The following BLOC1S3 variants were observed in gnomAD, a reference collection of about 807,000 sequenced individuals.
BLOC1S3 encodes biogenesis of lysosome-related organelles complex 1 subunit 3.
BLOC1S3 carries 7 observed loss-of-function variants against 9.1 expected under a neutral mutation model. That is an observed-to-expected ratio of 0.77 (90% CI 0.44 to 1.45). The LOEUF is 1.45. Ranked by LOEUF, BLOC1S3 falls within the 40% of genes most tolerant of loss-of-function variation. The pLI, the probability that BLOC1S3 is intolerant of heterozygous loss-of-function variation, is 0.01. For synonymous variants in BLOC1S3, 145 were observed against 158.4 expected, an observed-to-expected ratio of 0.92 and a Z score of 0.64; for missense variants, 307 against 315.2, an observed-to-expected ratio of 0.97 and a Z score of 0.20.
At chr19:45,208,806 G>C (rs1969746702) in intron 3 of BLOC1S3, among the ~76,000 whole-genome samples, 1 of 149,720 alleles carries the variant, frequency 6.7e-6, no homozygotes, top group Non-Finnish European at 1.5e-5. Context: ...TAACCCAGAA[G>C]TCGAAGAAGA....
intron 3 of BLOC1S3, among the ~76,000 whole-genome samples, chr19:45,211,703 TC>T (rs1969772812): frequency 6.6e-6 from 1 of 151,106 alleles, no homozygotes; most frequent in Non-Finnish European, 1.5e-5. Flanking sequence ...CGAGAGTCCC[TC>T]GTCTCTACCT....
At chr19:45,186,163 G>A (rs778867536), downstream of BLOC1S3, among the ~76,000 whole-genome samples, 1 of 152,002 alleles carries the variant, frequency 6.6e-6, no homozygotes, top group Non-Finnish European at 1.5e-5. Context: ...TGCATGGGAG[G>A]GGGTGAGACT....
In BLOC1S3 at chr19:45,179,743, C is replaced by T; in HGVS notation, c.447C>T (p.Ala149=). The change falls in exon 2 of 2, where the codon GCC becomes GCT. Residue 149 remains alanine (A), a synonymous_variant. Coordinates refer to ENST00000433642, the MANE Select transcript of BLOC1S3 (RefSeq NM_212550.5). This position sits in a 1 kb window ranked among gnomAD's most constrained non-coding sequence, Gnocchi z 4.6. ...CCCTGGCTAGTAGGCTGGCGGCAGCCCAGGCGGCGGGGCTGGCGGCGGCCC... is the reference window on the plus strand; with the variant it reads ...CCCTGGCTAGTAGGCTGGCGGCAGCTCAGGCGGCGGGGCTGGCGGCGGCCC... ...VAALASRLAA[A]QAAGLAAAHS... 3 of 1,463,076 alleles carry T rather than the reference C, an allele frequency of 2.1e-6. No homozygotes were observed. Among genetic ancestry groups the T allele is most frequent in the South Asian group, 1.4e-5 (1 of 73,772 alleles). The allele number at this position is 1,463,076 out of a possible 1,614,324, so 90.6% of individuals were successfully genotyped here. A position where few individuals can be genotyped will look rare whatever the true frequency, so the allele number is the denominator to read the frequency against.
intron 2 of BLOC1S3, among the ~76,000 whole-genome samples, chr19:45,193,314 G>A (rs917228566): frequency 6.6e-6 from 1 of 151,924 alleles, no homozygotes; most frequent in Non-Finnish European, 1.5e-5. Context: ...GATGATTACT[G>A]GAGGCTTCTA....
chr19:45,194,116 TTTTTTTTTTTTAA>T (rs1969629967), intron 2 of BLOC1S3, among the ~76,000 whole-genome samples: 2 of 95,344 alleles, frequency 2.1e-5, no homozygotes, highest in Non-Finnish European at 4.3e-5. Context: ...TTTTTTTTTT[TTTTTTTTTTTTAA>T]TGAGATGGAG....
In BLOC1S3 at chr19:45,179,721, T is replaced by G. The variant is rs1301207534; in HGVS notation, c.425T>G (p.Leu142Arg). Residue 142 changes from leucine to arginine, a missense_variant, in exon 2 of 2, where the codon CTG becomes CGG. By Grantham distance (102) the Leu-to-Arg change is moderately radical (BLOSUM62 -2). Coordinates refer to ENST00000433642, the MANE Select transcript of BLOC1S3 (RefSeq NM_212550.5). This position sits in a 1 kb window ranked among gnomAD's most constrained non-coding sequence, Gnocchi z 4.6. ...YRRAGRDVAA[L>R]ASRLAAAQAA... ...CGTGCAGGCCGCGACGTGGCCGCCCTGGCTAGTAGGCTGGCGGCAGCCCAG... is the reference window on the plus strand; with the variant it reads ...CGTGCAGGCCGCGACGTGGCCGCCCGGGCTAGTAGGCTGGCGGCAGCCCAG... The G allele has an allele frequency of 1.4e-6, 2 of 1,455,482 alleles. No individual in the cohort carries two copies. Among genetic ancestry groups the G allele is most frequent in the Non-Finnish European group, 1.8e-6 (2 of 1,111,824 alleles). The allele number at this position is 1,455,482 out of a possible 1,614,324, so 90.2% of individuals were successfully genotyped here. A position where few individuals can be genotyped will look rare whatever the true frequency, so the allele number is the denominator to read the frequency against.
chr19:45,195,395 C>T (rs1015792862), intron 2 of BLOC1S3, among the ~76,000 whole-genome samples: 4 of 150,656 alleles, frequency 2.7e-5, no homozygotes, highest in Non-Finnish European at 4.4e-5. Flanking sequence ...TTACCAGAGA[C>T]GGGGTTTTGG....
chr19:45,202,799 G>A (rs746536709), intron 3 of BLOC1S3, among the ~76,000 whole-genome samples: 9 of 152,144 alleles, frequency 5.9e-5, no homozygotes, highest in East Asian at 5.8e-4. Context: ...CAAGGCCTGC[G>A]GCGAGCACTC....
At chr19:45,203,694 A>G (rs620807) in intron 3 of BLOC1S3, among the ~76,000 whole-genome samples, 70,340 of 151,952 alleles carry the variant, frequency 0.46, 19,606 homozygotes, top group African/African-American at 0.78. Flanking sequence ...TGCTCCCTCC[A>G]TGGGTGGTGT....
At chr19:45,193,886 T>C (rs1969626086) in intron 2 of BLOC1S3, among the ~76,000 whole-genome samples, 1 of 124,946 alleles carries the variant, frequency 8.0e-6, no homozygotes, top group Admixed American at 9.1e-5. Flanking sequence ...CACTGCAAGC[T>C]CCTCCTCCCA....
intron 3 of BLOC1S3, among the ~76,000 whole-genome samples, chr19:45,206,185 T>TA (rs1238529008): frequency 1.3e-5 from 2 of 151,770 alleles, no homozygotes; most frequent in African/African-American, 2.4e-5. Context: ...CCGTATCTAG[T>TA]AAAAAAATAT....
At chr19:45,212,993 C>G in intron 3 of BLOC1S3, 1 of 1,396,310 alleles carries the variant, frequency 7.2e-7, no homozygotes, top group South Asian at 1.6e-5. Context: ...GGCAGGGAGT[C>G]AGGAGGGGCG....
At chr19:45,191,988 C>T (rs1434207124) in intron 2 of BLOC1S3, among the ~76,000 whole-genome samples, 2 of 152,222 alleles carry the variant, frequency 1.3e-5, no homozygotes, top group Admixed American at 6.5e-5. Flanking sequence ...CAAATCCAGC[C>T]AGGCTTGTGT....
At position 45,180,235 on chromosome 19, in the gene BLOC1S3, A is replaced by ATTTTTT. The variant is rs34965337; in HGVS notation, c.*349_*354dup. 2 of 90,520 alleles carry ATTTTTT rather than the reference A, an allele frequency of 2.2e-5. No homozygotes were observed. Among genetic ancestry groups the ATTTTTT allele is most frequent in the Non-Finnish European group, 4.1e-5 (2 of 48,688 alleles). The allele number at this position is 90,520 out of a possible 1,614,324, so 5.6% of individuals were successfully genotyped here. ...CTGTTTCCACCCTGGGGGCTCACCA[A>ATTTTTT]TTTTTTTTTTTTTTTTTTTTTTTTG... On this transcript the variant is annotated 3_prime_UTR_variant, in exon 2 of 2. Coordinates refer to ENST00000433642, the MANE Select transcript of BLOC1S3 (RefSeq NM_212550.5).
At chr19:45,188,313 G>A (rs915654466) in intron 2 of BLOC1S3, among the ~76,000 whole-genome samples, 5 of 151,440 alleles carry the variant, frequency 3.3e-5, no homozygotes, top group Non-Finnish European at 5.9e-5. Context: ...ATGAGCCACC[G>A]CAACTGGTCA....
chr19:45,179,706 G>A lies in BLOC1S3; in HGVS notation c.410G>A (p.Arg137His). The A allele has an allele frequency of 6.9e-7, 1 of 1,459,106 alleles. No individual in the cohort carries two copies. Among genetic ancestry groups the A allele is most frequent in the Non-Finnish European group, 9.0e-7 (1 of 1,112,340 alleles). The allele number at this position is 1,459,106 out of a possible 1,614,324, so 90.4% of individuals were successfully genotyped here. ...AVSGVYRRAG[R>H]DVAALASRLA... Reference sequence around the variant, plus strand: ...AGCGGTGTCTACCGCCGTGCAGGCCGCGACGTGGCCGCCCTGGCTAGTAGG... The same window carrying A: ...AGCGGTGTCTACCGCCGTGCAGGCCACGACGTGGCCGCCCTGGCTAGTAGG... Residue 137 changes from arginine to histidine, a missense_variant, in exon 2 of 2, where the codon CGC becomes CAC. By Grantham distance (29) the Arg-to-His change is conservative. Coordinates refer to ENST00000433642, the MANE Select transcript of BLOC1S3 (RefSeq NM_212550.5). This position sits in a 1 kb window ranked among gnomAD's most constrained non-coding sequence, Gnocchi z 4.6.
At chr19:45,183,459 G>C (rs1969541848), downstream of BLOC1S3, among the ~76,000 whole-genome samples, 1 of 149,438 alleles carries the variant, frequency 6.7e-6, no homozygotes, top group South Asian at 2.1e-4. Context: ...CCAGGGGACA[G>C]AGCAAGACTC....
chr19:45,186,766 A>G (rs1969569037), downstream of BLOC1S3, among the ~76,000 whole-genome samples: 1 of 152,184 alleles, frequency 6.6e-6, no homozygotes, highest in East Asian at 1.9e-4. Flanking sequence ...CCCAGCCTCA[A>G]CACCACAGTC....
At chr19:45,201,485 A>G (rs1969690563) in intron 2 of BLOC1S3, among the ~76,000 whole-genome samples, 1 of 152,102 alleles carries the variant, frequency 6.6e-6, no homozygotes, top group East Asian at 1.9e-4. Flanking sequence ...GCTTCCACCA[A>G]TGTTCACACA....
Sources: allele counts gnomAD v4.1 joint callset (sites outside exome capture counted in the v4.1 genomes callset), GRCh38; gene constraint gnomAD v4.1.1; non-coding constraint Gnocchi (gnomAD v3.1); transcripts MANE v1.5; gene names NCBI Gene and HGNC (gene_info 2026-07-23, HGNC 2026-07-21).